Variants in TCF24 observed in about 807,000 individuals in gnomAD.
TCF24 encodes the protein transcription factor 24.
TCF24 carries 5 observed loss-of-function variants against 9.3 expected under a neutral mutation model. The observed-to-expected ratio is 0.54, with a 90% CI of 0.28 to 1.13. TCF24 has a LOEUF of 1.13. Ranked by LOEUF, TCF24 falls within the 50% of genes most tolerant of loss-of-function variation. The pLI, the probability that TCF24 is intolerant of heterozygous loss-of-function variation, is 0.09. For missense variants in TCF24, 220 were observed against 236.1 expected, an observed-to-expected ratio of 0.93 and a Z score of 0.45; for synonymous variants, 110 against 115.8, an observed-to-expected ratio of 0.95 and a Z score of 0.32.
chr8:66,958,647 A>G (rs866534173), intron 3 of TCF24, among the ~76,000 whole-genome samples: 1 of 152,138 alleles, frequency 6.6e-6, no homozygotes, highest in Non-Finnish European at 1.5e-5. Flanking sequence ...GGTGACAGAG[A>G]GAGACTCCAT....
intron 3 of TCF24, among the ~76,000 whole-genome samples, chr8:66,948,597 A>C (rs954490183): frequency 6.6e-6 from 1 of 152,232 alleles, no homozygotes. Flanking sequence ...TATTTTAAAA[A>C]GTTCTATGTG....
rs1386573666 is a variant in TCF24, at chr8:66,950,135, CT to C, written c.391-1972del. On this transcript the variant is annotated intron_variant, in intron 3 of 3. Transcript: ENST00000563496. Reference sequence around the variant, plus strand: ...ATTAGATCCCATTTGTCAATTTTGTCTTTTGTTGCCATTGCTTTTGGTGTTT... The same window carrying C: ...ATTAGATCCCATTTGTCAATTTTGTCTTTGTTGCCATTGCTTTTGGTGTTT... 1.1e-4 allele frequency among the ~76,000 whole-genome samples: 15 copies of C among 141,822 alleles called. No homozygotes were observed. In the South Asian group the frequency reaches 3.6e-3, roughly 34 times the overall value. The allele number at this position is 141,822 out of a possible 152,430, so 93.0% of individuals were successfully genotyped here. A position where few individuals can be genotyped will look rare whatever the true frequency, so the allele number is the denominator to read the frequency against.
rs60900546 is a variant in TCF24, at chr8:66,957,654, T to C, written c.390+3722A>G. 4.7e-3 allele frequency among the ~76,000 whole-genome samples: 709 copies of C among 152,172 alleles called. 7 individuals carry two copies. Among genetic ancestry groups the C allele is most frequent in the African/African-American group, 0.016 (680 of 41,550 alleles). ...ATGGCAGACTAATACATATAGTGAATAGTGTAGCACAGATATCAACTTTAA... is the reference window on the plus strand; with the variant it reads ...ATGGCAGACTAATACATATAGTGAACAGTGTAGCACAGATATCAACTTTAA... On this transcript the variant is annotated intron_variant, in intron 3 of 3. Transcript: ENST00000563496.
At chr8:66,952,612 C>T (rs897362425) in intron 3 of TCF24, among the ~76,000 whole-genome samples, 118 of 151,134 alleles carry the variant, frequency 7.8e-4, no homozygotes, top group Non-Finnish European at 1.3e-3. Flanking sequence ...CTATTAGGTC[C>T]GCTTGGAGCA....
rs1310883648 is a variant in TCF24, at chr8:66,961,455, C to A, written c.311G>T (p.Ser104Ile). 6.5e-7 allele frequency: 1 copy of A among 1,528,362 alleles called. No homozygotes were observed. The highest frequency in any genetic ancestry group is 1.2e-5 in the South Asian group (1 of 83,078). 94.7% of individuals were successfully genotyped at this position (1,528,362 alleles called of 1,614,324 possible). ...ATTYIAHLTR[S>I]LQDDAEAPAD... ...CGGCGCCTCGGCGTCGTCCTGCAGG[C>A]TGCGGGTGAGATGCGCGATGTAGGT... is the stretch of plus-strand genomic sequence containing the variant. Residue 104 changes from serine (S) to isoleucine (I), a missense_variant, in exon 3 of 4, where the codon AGC becomes ATC. Transcript: ENST00000563496.
At chr8:66,951,177 A>G (rs1814053999) in intron 3 of TCF24, among the ~76,000 whole-genome samples, 1 of 117,940 alleles carries the variant, frequency 8.5e-6, no homozygotes, top group South Asian at 3.1e-4. Context: ...GCCAGTTTTC[A>G]AAGGGAATGC....
At position 66,961,690 on chromosome 8, in the gene TCF24, C is replaced by T; in HGVS notation, c.76G>A (p.Asp26Asn). ...GGCCCGGTCCGCCCGGGACGCGAGT[C>T]GCGGATGGCGGCGGCCAGGGGCGCG... The part of the protein sequence containing the change: ...EPAPLAAAIR[D>N]SRPGRTGPGP... The change falls in exon 3 of 4, where the codon GAC becomes AAC. Residue 26 changes from aspartate to asparagine, a missense_variant. Asp to Asn is a conservative substitution (Grantham distance 23). Transcript: ENST00000563496. The T allele has an allele frequency of 9.1e-7, 1 of 1,095,546 alleles. No homozygotes were observed. Among genetic ancestry groups the T allele is most frequent in the Non-Finnish European group, 1.1e-6 (1 of 902,104 alleles). The allele number at this position is 1,095,546 out of a possible 1,614,324, so 67.9% of individuals were successfully genotyped here.
In TCF24 at chr8:66,962,490, G is replaced by A. The variant is rs1814278697; in HGVS notation, c.-296C>T. On this transcript the variant is annotated 5_prime_UTR_variant, in exon 1 of 4. Transcript: ENST00000563496. ...AACCTCCGCTGGCTGTGACTTTTAT[G>A]CGGGCGCCCCGCGGCCAGGCGTGTG... The A allele has an allele frequency of 6.6e-6, 1 of 152,568 alleles. No individual in the cohort carries two copies. Among genetic ancestry groups the A allele is most frequent in the Admixed American group, 6.5e-5 (1 of 15,294 alleles). The allele number at this position is 152,568 out of a possible 1,614,324, so 9.5% of individuals were successfully genotyped here.
At chr8:66,957,895 TAAAAAAAAA>T (rs11299517) in intron 3 of TCF24, among the ~76,000 whole-genome samples, 5 of 43,034 alleles carry the variant, frequency 1.2e-4, no homozygotes, top group Non-Finnish European at 1.7e-4. Context: ...TAAGAATTGC[TAAAAAAAAA>T]AAAAAAAAAA....
At chr8:66,951,046 ATT>A (rs1814051693) in intron 3 of TCF24, among the ~76,000 whole-genome samples, 1 of 149,160 alleles carries the variant, frequency 6.7e-6, no homozygotes, top group African/African-American at 2.5e-5. Context: ...AACAGGGACA[ATT>A]TGACTTCCTC....
intron 3 of TCF24, 120 bp downstream of exon 3, chr8:66,961,256 G>T (rs1364067353): frequency 7.1e-6 from 9 of 1,261,910 alleles, no homozygotes; most frequent in Non-Finnish European, 9.1e-6. Context: ...TCGTTCTCCC[G>T]GTCGGCTTCC....
At chr8:66,948,687 CTA>C (rs1230696052) in intron 3 of TCF24, among the ~76,000 whole-genome samples, 4 of 150,802 alleles carry the variant, frequency 2.7e-5, no homozygotes, top group African/African-American at 9.9e-5. Context: ...ATCTATCTAT[CTA>C]TCTATCTATC....
chr8:66,950,442 G>T lies in TCF24; in HGVS notation c.391-2278C>A, dbSNP rs575749837. Among the ~76,000 whole-genome samples, 92 of 152,230 alleles carry T rather than the reference G, an allele frequency of 6.0e-4. No individual in the cohort carries two copies. The East Asian group carries it at 0.017, about 28-fold the overall frequency. ...ATGCGGCGTTATTTCTGAGGGCTCT[G>T]TTCTGTTCCATTGATCTATATCTCT... On this transcript the variant is annotated intron_variant, in intron 3 of 3. Transcript: ENST00000563496.
At chr8:66,948,859 C>T (rs958073191) in intron 3 of TCF24, among the ~76,000 whole-genome samples, 2 of 152,126 alleles carry the variant, frequency 1.3e-5, no homozygotes, top group African/African-American at 4.8e-5. Context: ...CCAAGCCTGG[C>T]TAATTTTTGT....
chr8:66,948,727 G>A (rs1272757126), intron 3 of TCF24, among the ~76,000 whole-genome samples: 2 of 150,064 alleles, frequency 1.3e-5, no homozygotes, highest in Admixed American at 6.6e-5. Context: ...ACGGAGTCTC[G>A]CTCTGTTACC....
At chr8:66,949,379 T>C (rs1276391542) in intron 3 of TCF24, among the ~76,000 whole-genome samples, 1 of 151,950 alleles carries the variant, frequency 6.6e-6, no homozygotes, top group East Asian at 1.9e-4. Context: ...CTTGCGATAG[T>C]TTACTGAGAA....
chr8:66,957,378 C>G (rs1814174838), intron 3 of TCF24, among the ~76,000 whole-genome samples: 1 of 146,276 alleles, frequency 6.8e-6, no homozygotes, highest in African/African-American at 2.5e-5. Flanking sequence ...GATCACACCA[C>G]TGCACTCCAG....
chr8:66,952,789 C>T (rs921719820), intron 3 of TCF24, among the ~76,000 whole-genome samples: 7 of 151,288 alleles, frequency 4.6e-5, no homozygotes, highest in African/African-American at 9.7e-5. Context: ...CTGTATTGGG[C>T]GCATATATAT....
intron 3 of TCF24, among the ~76,000 whole-genome samples, chr8:66,955,417 A>G (rs997994111): frequency 2.0e-5 from 3 of 152,062 alleles, no homozygotes; most frequent in African/African-American, 4.8e-5. Context: ...AAGGTCAGCA[A>G]TCTGGTCCCA....
Sources: gnomAD v4.1 joint callset for allele counts (sites outside exome capture counted in the v4.1 genomes callset) on GRCh38, gnomAD v4.1.1 for gene constraint, MANE v1.5 for transcripts, NCBI Gene and HGNC (gene_info 2026-07-23, HGNC 2026-07-21) for gene names.